XYLT1: variants seen among roughly 807,000 people sequenced by gnomAD.
XYLT1 encodes the protein xylosyltransferase 1.
In XYLT1, 36 loss-of-function variants were observed where a neutral mutation model predicts 91.3. The ratio of observed to expected loss-of-function variants is 0.39; its 90% CI spans 0.30 to 0.52. The LOEUF (loss-of-function observed/expected upper bound fraction) is 0.52, where lower values mean the gene tolerates loss of function less well. Among genes scored for constraint, XYLT1 ranks in the 20% least tolerant of loss-of-function variants. XYLT1 has a pLI of 0.68. For synonymous variants in XYLT1, 588 were observed against 532.0 expected (o/e 1.11, Z -1.45); for missense variants, 1,242 against 1,284.5 (o/e 0.97, Z 0.51).
At chr16:17,132,715 C>G (rs750967510) in intron 9 of XYLT1, among the ~76,000 whole-genome samples, 11 of 152,132 alleles carry the variant, frequency 7.2e-5, no homozygotes, top group Non-Finnish European at 1.5e-4. Context: ...CCAGCCTGGC[C>G]AACCTGGTGA....
At chr16:17,232,947 A>G (rs1596437552) in intron 3 of XYLT1, among the ~76,000 whole-genome samples, 1 of 152,252 alleles carries the variant, frequency 6.6e-6, no homozygotes, top group South Asian at 2.1e-4. Context: ...CCCTTTGGGC[A>G]TAATTCTTCC....
chr16:17,406,254 ATATGATGAGTGTT>A (rs1324658960), intron 1 of XYLT1, among the ~76,000 whole-genome samples: 3 of 152,212 alleles, frequency 2.0e-5, no homozygotes, highest in Non-Finnish European at 4.4e-5. Flanking sequence ...AGCACCTACT[ATATGATGAGTGTT>A]ATTGTTTTAG....
chr16:17,287,124 C>G (rs546672843), intron 2 of XYLT1, among the ~76,000 whole-genome samples: 1 of 152,244 alleles, frequency 6.6e-6, no homozygotes, highest in East Asian at 1.9e-4. Context: ...ATATCCTGAA[C>G]AAGCATACGC....
intron 1 of XYLT1, among the ~76,000 whole-genome samples, chr16:17,400,268 A>T (rs1337081615): frequency 1.3e-5 from 2 of 152,142 alleles, no homozygotes; most frequent in African/African-American, 4.8e-5. Context: ...GACTAACACA[A>T]ATTATAGTAC....
chr16:17,313,476 G>C (rs1229896068), intron 2 of XYLT1, among the ~76,000 whole-genome samples: 3 of 152,204 alleles, frequency 2.0e-5, no homozygotes. Flanking sequence ...CCTTGGAAGG[G>C]AATGTTCCCT....
At chr16:17,216,301 CAGAG>C (rs534283262) in intron 3 of XYLT1, among the ~76,000 whole-genome samples, 2 of 152,286 alleles carry the variant, frequency 1.3e-5, no homozygotes, top group African/African-American at 4.8e-5. Context: ...ATTTACTTCT[CAGAG>C]GGAGGGTTTT....
At chr16:17,232,078 T>G (rs183467900) in intron 3 of XYLT1, among the ~76,000 whole-genome samples, 38 of 147,206 alleles carry the variant, frequency 2.6e-4, no homozygotes, top group Non-Finnish European at 4.3e-4. Flanking sequence ...TATTATAATC[T>G]TATTATAATA....
chr16:17,115,022 T>G (rs1966849033), intron 11 of XYLT1, among the ~76,000 whole-genome samples: 2 of 152,054 alleles, frequency 1.3e-5, no homozygotes, highest in Admixed American at 6.5e-5. Flanking sequence ...TTTTTTGTAT[T>G]TTTAGTAGAG....
At chr16:17,283,457 C>T (rs1180794005) in intron 2 of XYLT1, among the ~76,000 whole-genome samples, 1 of 152,182 alleles carries the variant, frequency 6.6e-6, no homozygotes, top group African/African-American at 2.4e-5. Flanking sequence ...TGTGTACACA[C>T]ACACGCATGT....
chr16:17,437,631 T>C (rs532405820), intron 1 of XYLT1, among the ~76,000 whole-genome samples: 139 of 152,246 alleles, frequency 9.1e-4, no homozygotes, highest in African/African-American at 3.2e-3. Context: ...AACAGCCTAC[T>C]GTTCGTGGAG....
intron 2 of XYLT1, among the ~76,000 whole-genome samples, chr16:17,357,022 A>T (rs1475789503): frequency 6.6e-6 from 1 of 151,826 alleles, no homozygotes; most frequent in Non-Finnish European, 1.5e-5. Flanking sequence ...AAAAAATATT[A>T]AAAAATTAGC....
chr16:17,359,196 C>T (rs1018255183), intron 1 of XYLT1, among the ~76,000 whole-genome samples: 4 of 152,196 alleles, frequency 2.6e-5, no homozygotes, highest in Admixed American at 6.5e-5. Context: ...CCTCAAGCTT[C>T]CTCTGATAGA....
intron 2 of XYLT1, 68 bp from the exon 3 acceptor site, chr16:17,259,566 T>C: frequency 1.3e-6 from 2 of 1,552,780 alleles, no homozygotes; most frequent in South Asian, 2.4e-5. Context: ...GACTGGCCTT[T>C]GAAGAGTGAG....
At chr16:17,332,109 G>T (rs1337962879) in intron 2 of XYLT1, among the ~76,000 whole-genome samples, 2 of 152,218 alleles carry the variant, frequency 1.3e-5, no homozygotes, top group African/African-American at 4.8e-5. Flanking sequence ...CCTGTCCCCA[G>T]ATACAACCGT....
chr16:17,459,903 T>C (rs1178205382), intron 1 of XYLT1, among the ~76,000 whole-genome samples: 1 of 152,156 alleles, frequency 6.6e-6, no homozygotes, highest in Non-Finnish European at 1.5e-5. Context: ...CCCCCACGGG[T>C]TACAAGACGC....
intron 1 of XYLT1, among the ~76,000 whole-genome samples, chr16:17,423,352 G>A (rs2036272767): frequency 1.3e-5 from 2 of 149,970 alleles, no homozygotes; most frequent in African/African-American, 5.1e-5. Flanking sequence ...AGGGGCAGCT[G>A]AGTCTCCTCC....
intron 1 of XYLT1, among the ~76,000 whole-genome samples, chr16:17,440,971 C>G (rs117257042): frequency 1.0e-3 from 154 of 152,254 alleles, no homozygotes; most frequent in Non-Finnish European, 1.9e-3. Flanking sequence ...CAGTGCCTAC[C>G]TATGTTCTGA....
chr16:17,135,671 C>T (rs1023447330), intron 8 of XYLT1, among the ~76,000 whole-genome samples: 2 of 152,074 alleles, frequency 1.3e-5, no homozygotes, highest in African/African-American at 4.8e-5. Flanking sequence ...AGGGACTTAG[C>T]TGAGAACACA....
intron 1 of XYLT1, among the ~76,000 whole-genome samples, chr16:17,419,414 G>T (rs2036221955): frequency 6.6e-6 from 1 of 152,102 alleles, no homozygotes; most frequent in South Asian, 2.1e-4. Context: ...GGGTCTCTAT[G>T]CCCTCTATGC....
Sources: allele counts gnomAD v4.1 joint callset (sites outside exome capture counted in the v4.1 genomes callset), GRCh38; gene constraint gnomAD v4.1.1; transcripts MANE v1.5; gene names NCBI Gene and HGNC (gene_info 2026-07-23, HGNC 2026-07-21).